Variants in GJB7 observed in about 807,000 individuals in gnomAD.
GJB7 encodes gap junction beta-7 protein.
For synonymous variants in GJB7, 87 were observed against 95.2 expected (o/e 0.91, Z 0.50); for missense variants, 253 against 256.8 (o/e 0.99, Z 0.10).
At chr6:87,302,058 A>G (rs2127903252) in intron 2 of GJB7, among the ~76,000 whole-genome samples, 1 of 152,386 alleles carries the variant, frequency 6.6e-6, no homozygotes, top group Admixed American at 6.5e-5. Context: ...CCAAAGGTAG[A>G]TAAAACCACA....
chr6:87,289,699 A>G (rs938762725), intron 2 of GJB7, among the ~76,000 whole-genome samples: 3 of 152,158 alleles, frequency 2.0e-5, no homozygotes, highest in African/African-American at 7.2e-5. Context: ...ACACTGTTGA[A>G]ACCCCTGTTG....
chr6:87,287,212 T>A (rs1007781072), intron 2 of GJB7, among the ~76,000 whole-genome samples: 3 of 152,232 alleles, frequency 2.0e-5, no homozygotes, highest in Non-Finnish European at 4.4e-5. Flanking sequence ...ATTTACTTTA[T>A]AATTTCTCAG....
intron 2 of GJB7, among the ~76,000 whole-genome samples, chr6:87,321,530 C>T (rs75478559): frequency 0.037 from 5,678 of 152,156 alleles, 366 homozygotes; most frequent in African/African-American, 0.13. Context: ...CATATCCAAC[C>T]GCCCACCCCT....
At chr6:87,316,961 G>A (rs1179301457) in intron 2 of GJB7, among the ~76,000 whole-genome samples, 1 of 152,026 alleles carries the variant, frequency 6.6e-6, no homozygotes, top group African/African-American at 2.4e-5. Context: ...TGTGATTCTG[G>A]GCTCAGTCAT....
At chr6:87,291,752 T>C (rs1357957956) in intron 2 of GJB7, among the ~76,000 whole-genome samples, 2 of 152,234 alleles carry the variant, frequency 1.3e-5, no homozygotes, top group Non-Finnish European at 2.9e-5. Context: ...TTTGGATAAC[T>C]TCTCTTACTG....
At chr6:87,298,704 G>A in intron 2 of GJB7, 1 of 180,672 alleles carries the variant, frequency 5.5e-6, no homozygotes, top group South Asian at 1.3e-4. Flanking sequence ...CATGGAAATG[G>A]GCTCGCCCCT....
At chr6:87,318,763 A>G (rs981058958) in intron 2 of GJB7, among the ~76,000 whole-genome samples, 2 of 152,172 alleles carry the variant, frequency 1.3e-5, no homozygotes, top group African/African-American at 2.4e-5. Context: ...TAATTTTTTC[A>G]TTTGTCAGCT....
chr6:87,309,636 AT>A (rs1050880569), intron 2 of GJB7, among the ~76,000 whole-genome samples: 4 of 152,078 alleles, frequency 2.6e-5, no homozygotes, highest in African/African-American at 4.8e-5. Flanking sequence ...GAAAATATTG[AT>A]TTTTTTTCTT....
intron 1 of GJB7, among the ~76,000 whole-genome samples, chr6:87,325,867 T>C (rs1265611561): frequency 2.0e-5 from 3 of 152,256 alleles, no homozygotes; most frequent in Non-Finnish European, 4.4e-5. Context: ...GTACCTCTGT[T>C]AGAATTCGGC....
At chr6:87,302,268 T>C (rs539445249) in intron 2 of GJB7, among the ~76,000 whole-genome samples, 1 of 150,296 alleles carries the variant, frequency 6.7e-6, no homozygotes, top group Non-Finnish European at 1.5e-5. Context: ...GCAAAGAAGC[T>C]AAAAGCCTTG....
chr6:87,315,002 CAT>C (rs1304521565), intron 2 of GJB7, among the ~76,000 whole-genome samples: 2 of 152,200 alleles, frequency 1.3e-5, no homozygotes, highest in Non-Finnish European at 2.9e-5. Context: ...ATAGCTCTCT[CAT>C]GTGTACTCAG....
At chr6:87,325,519 A>T (rs1348366385) in intron 1 of GJB7, among the ~76,000 whole-genome samples, 1 of 149,224 alleles carries the variant, frequency 6.7e-6, no homozygotes, top group Non-Finnish European at 1.5e-5. Flanking sequence ...ATCTATTGAG[A>T]TAATCATGTG....
rs115056806 is a variant in GJB7 at position 87,315,202 on chromosome 6, G to C, written c.-28+7664C>G. On this transcript the variant is annotated intron_variant, in intron 2 of 2. Transcript: ENST00000525899. The stretch of plus-strand genomic sequence containing the variant: ...CCCTTGTGTGAAGTGGGCGTCTGCT[G>C]ATTTCATCTTCCTAGCATCTGTTTC... Among the ~76,000 whole-genome samples the C allele has an allele frequency of 4.7e-3, 709 of 152,296 alleles. 2 individuals carry two copies. Among genetic ancestry groups the C allele is most frequent in the African/African-American group, 0.016 (672 of 41,570 alleles).
chr6:87,312,516 A>C (rs1299957752), intron 2 of GJB7, among the ~76,000 whole-genome samples: 1 of 151,608 alleles, frequency 6.6e-6, no homozygotes, highest in Non-Finnish European at 1.5e-5. Context: ...GTCTACAAAA[A>C]AAAAAACAAA....
At chr6:87,299,545 C>G in intron 2 of GJB7, 1 of 279,314 alleles carries the variant, frequency 3.6e-6, no homozygotes, top group South Asian at 3.9e-5. Context: ...AATTGCCAAT[C>G]CTCACTGTAA....
intron 1 of GJB7, among the ~76,000 whole-genome samples, chr6:87,328,310 T>G (rs1229028893): frequency 3.9e-5 from 6 of 152,194 alleles, no homozygotes; most frequent in Non-Finnish European, 2.9e-5. Context: ...TGCGTTCCTT[T>G]GGAGGAGGAG....
chr6:87,299,271 G>T, intron 2 of GJB7: 2 of 474,224 alleles, frequency 4.2e-6, no homozygotes, highest in Admixed American at 2.3e-5. Context: ...AGGTTGCTAC[G>T]ATTTCTGCAA....
chr6:87,291,253 T>G (rs1475853196), intron 2 of GJB7, among the ~76,000 whole-genome samples: 1 of 152,200 alleles, frequency 6.6e-6, no homozygotes, highest in Admixed American at 6.5e-5. Flanking sequence ...TAAATATAGA[T>G]GCATAAGAGC....
rs903933182 is a variant in GJB7 at position 87,283,177 on chromosome 6, G to C, written c.*1064C>G. The C allele has an allele frequency of 6.6e-6, 1 of 152,210 alleles. No individual in the cohort carries two copies. The highest frequency in any genetic ancestry group is 6.5e-5 in the Admixed American group (1 of 15,288). The allele number at this position is 152,210 out of a possible 1,614,324, so 9.4% of individuals were successfully genotyped here. On this transcript the variant is annotated 3_prime_UTR_variant, in exon 3 of 3. Transcript: ENST00000525899. ...AGTACACATTTTACTATCTGTCCTAGAGGGAGATATACTAGTAAATTATAG... is the reference window on the plus strand; with the variant it reads ...AGTACACATTTTACTATCTGTCCTACAGGGAGATATACTAGTAAATTATAG...
Sources: gnomAD v4.1 joint callset for allele counts (sites outside exome capture counted in the v4.1 genomes callset) on GRCh38, gnomAD v4.1.1 for gene constraint, MANE v1.5 for transcripts, NCBI Gene and HGNC (gene_info 2026-07-23, HGNC 2026-07-21) for gene names.